The following ITPRIPL2 variants were observed in gnomAD, a reference collection of about 807,000 sequenced individuals.
The protein encoded by ITPRIPL2 is inositol 1,4,5-trisphosphate receptor-interacting protein-like 2.
ITPRIPL2 carries 29 observed loss-of-function variants against 31.7 expected under a neutral mutation model. The ratio of observed to expected loss-of-function variants is 0.91; its 90% CI spans 0.68 to 1.25. The LOEUF is 1.25. Ranked by LOEUF, ITPRIPL2 falls within the 50% of genes most tolerant of loss-of-function variation. ITPRIPL2 has a pLI of 0.00. For synonymous variants in ITPRIPL2, 344 were observed against 343.4 expected (o/e 1.00, Z -0.02); for missense variants, 696 against 739.1 (o/e 0.94, Z 0.68).
Position 19,116,813 on chromosome 16 carries a change from C to T in ITPRIPL2, c.*744C>T. On this transcript the variant is annotated 3_prime_UTR_variant, in exon 1 of 1. Coordinates refer to ENST00000381440, the MANE Select transcript of ITPRIPL2 (RefSeq NM_001034841.4). ...CCAAGCATTGCATCTGAAAGGGAAG[C>T]CAGTTATATTTATTATTAAATGTAC... 6.0e-6 allele frequency: 1 copy of T among 167,148 alleles called. No individual in the cohort carries two copies. The allele number at this position is 167,148 out of a possible 1,614,324, so 10.4% of individuals were successfully genotyped here.
Position 19,115,486 on chromosome 16 carries a change from G to C in ITPRIPL2, c.1025G>C (p.Arg342Pro). 6.2e-7 allele frequency: 1 copy of C among 1,606,954 alleles called. No homozygotes were observed. Among genetic ancestry groups the C allele is most frequent in the Non-Finnish European group, 8.5e-7 (1 of 1,179,854 alleles). The change falls in exon 1 of 1, where the codon CGT (arginine) becomes CCT (proline). Residue 342 changes from arginine (R) to proline (P), a missense_variant. By Grantham distance (103) the Arg-to-Pro change is moderately radical. Coordinates refer to ENST00000381440, the MANE Select transcript of ITPRIPL2 (RefSeq NM_001034841.4). ...CTGTTGGAGCTCCCTGAGGGCCTGC[G>C]TGCGGAGGCACTGTGGGGTGTGAAC... ...APLLELPEGL[R>P]AEALWGVNTA...
Position 19,120,802 on chromosome 16 carries a change from T to C in ITPRIPL2, c.*4733T>C, listed in dbSNP as rs1227636422. Reference sequence around the variant, plus strand: ...TTCTGACTCAGCAGCTCCACCAAAATTGACATCCTAGCAAACACTGTGAAG... The same window carrying C: ...TTCTGACTCAGCAGCTCCACCAAAACTGACATCCTAGCAAACACTGTGAAG... On this transcript the variant is annotated 3_prime_UTR_variant, in exon 1 of 1. Transcript: ENST00000381440. The C allele has an allele frequency of 6.0e-6, 1 of 166,570 alleles. No homozygotes were observed. The highest frequency in any genetic ancestry group is 1.5e-5 in the Non-Finnish European group (1 of 68,004). The allele number at this position is 166,570 out of a possible 1,614,324, so 10.3% of individuals were successfully genotyped here. A position where few individuals can be genotyped will look rare whatever the true frequency, so the allele number is the denominator to read the frequency against.
Position 19,115,977 on chromosome 16 carries a change from C to T in ITPRIPL2, c.1516C>T (p.Leu506Phe), listed in dbSNP as rs759403522. The T allele has an allele frequency of 2.5e-5, 40 of 1,612,920 alleles. No homozygotes were observed. The highest frequency in any genetic ancestry group is 3.1e-5 in the Non-Finnish European group (37 of 1,179,800). Residue 506 changes from leucine (L) to phenylalanine (F), a missense_variant, in exon 1 of 1, where the codon CTT (leucine) becomes TTT (phenylalanine). Transcript: ENST00000381440. ...GTCCACGTGGCAAAGGCTGCCCCAGCTTCTCCGGGCCTACGGGGGTCCCCG... is the reference window on the plus strand; with the variant it reads ...GTCCACGTGGCAAAGGCTGCCCCAGTTTCTCCGGGCCTACGGGGGTCCCCG... Reference protein sequence around the residue: ...LLSTWQRLPQLLRAYGGPRYL... With the variant: ...LLSTWQRLPQFLRAYGGPRYL...
rs1381004984 is a variant in ITPRIPL2, at chr16:19,118,630, CA to C, written c.*2562del. 2 of 184,702 alleles carry C rather than the reference CA, an allele frequency of 1.1e-5. No individual in the cohort carries two copies. The highest frequency in any genetic ancestry group is 4.7e-5 in the African/African-American group (2 of 42,252). 11.4% of individuals were successfully genotyped at this position (184,702 alleles called of 1,614,324 possible). The stretch of plus-strand genomic sequence containing the variant: ...CAGGTTAATTACCCAAAGCCTCATC[CA>C]TCCTCAAGGTTTTTAAATTTTATTT... On this transcript the variant is annotated 3_prime_UTR_variant, in exon 1 of 1. Coordinates refer to ENST00000381440, the MANE Select transcript of ITPRIPL2 (RefSeq NM_001034841.4).
At position 19,114,195 on chromosome 16, in the gene ITPRIPL2, C is replaced by T. The variant is rs950102274; in HGVS notation, c.-267C>T. On this transcript the variant is annotated 5_prime_UTR_variant, in exon 1 of 1. Transcript: ENST00000381440. The stretch of plus-strand genomic sequence containing the variant: ...CGCGGGGGCGCCGGGCGGGGAGGGC[C>T]GCTGGGCCGGACTCAGCGCGCAGCC... 6 of 327,540 alleles carry T rather than the reference C, an allele frequency of 1.8e-5. No individual in the cohort carries two copies. The highest frequency in any genetic ancestry group is 9.9e-5 in the Admixed American group (2 of 20,258). 20.3% of individuals were successfully genotyped at this position (327,540 alleles called of 1,614,324 possible).
rs1596853872 is a variant in ITPRIPL2, at chr16:19,115,428, G to T, written c.967G>T (p.Ala323Ser). Residue 323 changes from alanine to serine, a missense_variant, in exon 1 of 1, where the codon GCG becomes TCG. Ala to Ser is a moderately conservative substitution (Grantham distance 99). Transcript: ENST00000381440. ...TCTGGGAGATGGGGTCTTCCTTGTGGCGCCACCACCGCCACCCTTGCCCAG... is the reference window on the plus strand; with the variant it reads ...TCTGGGAGATGGGGTCTTCCTTGTGTCGCCACCACCGCCACCCTTGCCCAG... Reference protein sequence around the residue: ...VHLGDGVFLVAPPPPPLPSAP... With the variant: ...VHLGDGVFLVSPPPPPLPSAP... 2 of 1,610,936 alleles carry T rather than the reference G, an allele frequency of 1.2e-6. No homozygotes were observed.
chr16:19,120,618 TATATA>T lies in ITPRIPL2; in HGVS notation c.*4550_*4554del, dbSNP rs1336686261. ...CGCCTGGCTAATATATATATATATA[TATATA>T]TATTTTTTTTTTTTTTTTTTAGTAG... On this transcript the variant is annotated 3_prime_UTR_variant, in exon 1 of 1. Transcript: ENST00000381440. 1.6e-3 allele frequency: 189 copies of T among 120,732 alleles called. 1 individual carries two copies. Among genetic ancestry groups the T allele is most frequent in the African/African-American group, 6.9e-3 (178 of 25,952 alleles). 7.5% of individuals were successfully genotyped at this position (120,732 alleles called of 1,614,324 possible).
chr16:19,114,588 G>C lies in ITPRIPL2; in HGVS notation c.127G>C (p.Gly43Arg), dbSNP rs770484021. 1.1e-5 allele frequency: 17 copies of C among 1,574,346 alleles called. No homozygotes were observed. The highest frequency in any genetic ancestry group is 2.3e-5 in the East Asian group (1 of 44,328). Residue 43 changes from glycine to arginine, a missense_variant, in exon 1 of 1, where the codon GGC becomes CGC. Physicochemically the swap from Gly to Arg is moderately radical, Grantham distance 125 (BLOSUM62 -2). Coordinates refer to ENST00000381440, the MANE Select transcript of ITPRIPL2 (RefSeq NM_001034841.4). The stretch of plus-strand genomic sequence containing the variant: ...GGGCGCCCGGGCCGAGCCCGCCGAC[G>C]GCGTGGATGGCGGCTTCCCGTTGCT... ...SGGARAEPAD[G>R]VDGGFPLLKV...
Position 19,117,806 on chromosome 16 carries a change from A to G in ITPRIPL2, c.*1737A>G, listed in dbSNP as rs1217086078. The G allele has an allele frequency of 1.2e-5, 2 of 166,914 alleles. No homozygotes were observed. Among genetic ancestry groups the G allele is most frequent in the Non-Finnish European group, 2.9e-5 (2 of 68,112 alleles). The allele number at this position is 166,914 out of a possible 1,614,324, so 10.3% of individuals were successfully genotyped here. A position where few individuals can be genotyped will look rare whatever the true frequency, so the allele number is the denominator to read the frequency against. ...GATTTACAGGAATCCTTCTCCTCCA[A>G]GCTGCATTGGCTTCTTATATCCTTT... On this transcript the variant is annotated 3_prime_UTR_variant, in exon 1 of 1. Transcript: ENST00000381440.
In ITPRIPL2 at chr16:19,118,191, G is replaced by A. The variant is rs138934648; in HGVS notation, c.*2122G>A. ...GGATTATAAAGCTTTAAGGCTGGGC[G>A]TGGTGGCTCACGCCTGTAATCCCAG... On this transcript the variant is annotated 3_prime_UTR_variant, in exon 1 of 1. Coordinates refer to ENST00000381440, the MANE Select transcript of ITPRIPL2 (RefSeq NM_001034841.4). 0.1 allele frequency: 17,324 copies of A among 166,664 alleles called. 2,617 individuals are homozygous for A. Among genetic ancestry groups the A allele is most frequent in the African/African-American group, 0.35 (14,304 of 41,240 alleles). 10.3% of individuals were successfully genotyped at this position (166,664 alleles called of 1,614,324 possible). A position where few individuals can be genotyped will look rare whatever the true frequency, so the allele number is the denominator to read the frequency against.
chr16:19,116,128 G>T lies in ITPRIPL2; in HGVS notation c.*59G>T. The T allele has an allele frequency of 6.8e-7, 1 of 1,474,078 alleles. No individual in the cohort carries two copies. The highest frequency in any genetic ancestry group is 9.1e-7 in the Non-Finnish European group (1 of 1,095,264). The allele number at this position is 1,474,078 out of a possible 1,614,324, so 91.3% of individuals were successfully genotyped here. On this transcript the variant is annotated 3_prime_UTR_variant, in exon 1 of 1. Transcript: ENST00000381440. The stretch of plus-strand genomic sequence containing the variant: ...CTAAAGCCTTTCCCACTGGGTGGGG[G>T]TGGGAATGGCGGTGAAGCCAGTTAA...
chr16:19,114,451 G>A lies in ITPRIPL2; in HGVS notation c.-11G>A, dbSNP rs1483052993. 2 of 1,385,632 alleles carry A rather than the reference G, an allele frequency of 1.4e-6. No individual in the cohort carries two copies. Among genetic ancestry groups the A allele is most frequent in the Non-Finnish European group, 1.9e-6 (2 of 1,070,630 alleles). The allele number at this position is 1,385,632 out of a possible 1,614,324, so 85.8% of individuals were successfully genotyped here. ...TGGGCTGCTCGGCCACCGCCGCCCC[G>A]GGCGCCCGGCATGTCGGTGCACTAC... On this transcript the variant is annotated 5_prime_UTR_variant, in exon 1 of 1. Coordinates refer to ENST00000381440, the MANE Select transcript of ITPRIPL2 (RefSeq NM_001034841.4).
At position 19,116,396 on chromosome 16, in the gene ITPRIPL2, A is replaced by T. The variant is rs888409940; in HGVS notation, c.*327A>T. The T allele has an allele frequency of 3.9e-5, 12 of 304,810 alleles. No homozygotes were observed. The highest frequency in any genetic ancestry group is 1.7e-4 in the African/African-American group (8 of 46,194). 18.9% of individuals were successfully genotyped at this position (304,810 alleles called of 1,614,324 possible). ...GAGAAGTCCAGTAGAAGAAGCAAGA[A>T]CTAGCTGCAGGGAAAGTTCCTTCTG... On this transcript the variant is annotated 3_prime_UTR_variant, in exon 1 of 1. Transcript: ENST00000381440.
In ITPRIPL2 at chr16:19,119,489, A is replaced by T. The variant is rs573407840; in HGVS notation, c.*3420A>T. On this transcript the variant is annotated 3_prime_UTR_variant, in exon 1 of 1. Transcript: ENST00000381440. ...GCTGGAAATCAGGTTTTTTTTTTTT[A>T]AAGTGAAACTTGATGATTTTTAAAC... is the stretch of plus-strand genomic sequence containing the variant. The T allele has an allele frequency of 9.2e-4, 156 of 169,954 alleles. 1 individual carries two copies. The highest frequency in any genetic ancestry group is 1.6e-3 in the Admixed American group (25 of 15,274). 10.5% of individuals were successfully genotyped at this position (169,954 alleles called of 1,614,324 possible).
Position 19,118,372 on chromosome 16 carries a change from G to C in ITPRIPL2, c.*2303G>C, listed in dbSNP as rs1037753459. On this transcript the variant is annotated 3_prime_UTR_variant, in exon 1 of 1. Transcript: ENST00000381440. ...CCCAGATACTCGGGAGGCTAAGGCA[G>C]GAGAATCACTTGAACCCGGGAGGTG... 1.2e-5 allele frequency: 2 copies of C among 162,080 alleles called. No individual in the cohort carries two copies. Among genetic ancestry groups the C allele is most frequent in the Non-Finnish European group, 2.9e-5 (2 of 68,118 alleles). 10.0% of individuals were successfully genotyped at this position (162,080 alleles called of 1,614,324 possible).
chr16:19,115,489 C>G lies in ITPRIPL2; in HGVS notation c.1028C>G (p.Ala343Gly), dbSNP rs770603533. The change falls in exon 1 of 1, where the codon GCG becomes GGG. Residue 343 changes from alanine to glycine, a missense_variant. By Grantham distance (60) the Ala-to-Gly change is moderately conservative. Transcript: ENST00000381440. ...TTGGAGCTCCCTGAGGGCCTGCGTG[C>G]GGAGGCACTGTGGGGTGTGAACACA... ...PLLELPEGLR[A>G]EALWGVNTAR... The G allele has an allele frequency of 2.5e-6, 4 of 1,606,684 alleles. No homozygotes were observed. Among genetic ancestry groups the G allele is most frequent in the East Asian group, 4.5e-5 (2 of 44,862 alleles).
At position 19,115,154 on chromosome 16, in the gene ITPRIPL2, C is replaced by A; in HGVS notation, c.693C>A (p.Pro231=). Residue 231 remains proline, a synonymous_variant, in exon 1 of 1, where the codon CCC becomes CCA. Coordinates refer to ENST00000381440, the MANE Select transcript of ITPRIPL2 (RefSeq NM_001034841.4). ...SGGHWLRDCK[P]FADAFCVDVR... Reference sequence around the variant, plus strand: ...GCCACTGGCTTCGGGACTGCAAACCCTTTGCTGATGCCTTCTGCGTGGATG... The same window carrying A: ...GCCACTGGCTTCGGGACTGCAAACCATTTGCTGATGCCTTCTGCGTGGATG... 6.2e-7 allele frequency: 1 copy of A among 1,604,674 alleles called. No individual in the cohort carries two copies. Among genetic ancestry groups the A allele is most frequent in the African/African-American group, 1.3e-5 (1 of 75,060 alleles).
Position 19,115,643 on chromosome 16 carries a change from C to A in ITPRIPL2, c.1182C>A (p.Ala394=). The change falls in exon 1 of 1, where the codon GCC becomes GCA. Residue 394 remains alanine, a synonymous_variant. Coordinates refer to ENST00000381440, the MANE Select transcript of ITPRIPL2 (RefSeq NM_001034841.4). ...GGGCCCGTGGGCTGGACTCAGCGGC[C>A]GCCACCCAGTGGGGACGCATCCTAT... ...DLGARGLDSA[A]ATQWGRILSS... 6.2e-7 allele frequency: 1 copy of A among 1,610,376 alleles called. No homozygotes were observed. The highest frequency in any genetic ancestry group is 8.5e-7 in the Non-Finnish European group (1 of 1,179,130).
rs1963425922 is a variant in ITPRIPL2, at chr16:19,115,374, A to G, written c.913A>G (p.Met305Val). Residue 305 changes from methionine (M) to valine (V), a missense_variant, in exon 1 of 1, where the codon ATG (methionine) becomes GTG (valine). Physicochemically the swap from Met to Val is conservative, Grantham distance 21. Coordinates refer to ENST00000381440, the MANE Select transcript of ITPRIPL2 (RefSeq NM_001034841.4). ...RTDYGCCRLS[M>V]AVRLIPAVHL... ...TGACTACGGCTGCTGCCGCCTTTCT[A>G]TGGCTGTGCGTCTCATCCCCGCTGT... The G allele has an allele frequency of 1.2e-6, 2 of 1,612,968 alleles. No homozygotes were observed. The highest frequency in any genetic ancestry group is 1.1e-5 in the South Asian group (1 of 91,090).
Sources: allele counts gnomAD v4.1 joint callset, GRCh38; gene constraint gnomAD v4.1.1; transcripts MANE v1.5; gene names NCBI Gene and HGNC (gene_info 2026-07-23, HGNC 2026-07-21).